The following RASEF variants were observed in gnomAD, a reference collection of about 807,000 sequenced individuals.
The protein encoded by RASEF is ras and EF-hand domain-containing protein.
A neutral mutation model predicts 90.1 loss-of-function variants in RASEF; 68 were observed. That is an observed-to-expected ratio of 0.75 (90% confidence interval 0.62 to 0.92). The LOEUF (loss-of-function observed/expected upper bound fraction) is 0.92, where lower values mean the gene tolerates loss of function less well. Ranked by LOEUF, RASEF falls within the 40% of genes least tolerant of loss-of-function variation. RASEF has a pLI of 0.00. For synonymous variants in RASEF, 331 were observed against 345.2 expected, an observed-to-expected ratio of 0.96 and a Z score of 0.46; for missense variants, 949 against 937.2, an observed-to-expected ratio of 1.01 and a Z score of -0.16.
chr9:83,076,888 A>G, the RASEF span, among the ~76,000 whole-genome samples: 3 of 152,198 alleles, frequency 2.0e-5, no homozygotes, highest in Non-Finnish European at 4.4e-5. Context: ...AGCTTATTAT[A>G]TAATTCTGAT....
At chr9:83,177,082 T>C in the RASEF span, among the ~76,000 whole-genome samples, 3 of 152,134 alleles carry the variant, frequency 2.0e-5, no homozygotes, top group South Asian at 2.1e-4. Flanking sequence ...CTATATGTCA[T>C]AGATTCCACA....
At chr9:83,017,854 A>G (rs1829371644) in intron 3 of RASEF, among the ~76,000 whole-genome samples, 1 of 152,240 alleles carries the variant, frequency 6.6e-6, no homozygotes, top group Non-Finnish European at 1.5e-5. Flanking sequence ...ATCATAACTA[A>G]TTAGGGCCTA....
chr9:83,195,781 C>T, the RASEF span, among the ~76,000 whole-genome samples: 25 of 152,118 alleles, frequency 1.6e-4, no homozygotes, highest in African/African-American at 6.0e-4. Flanking sequence ...CAGCTACTGA[C>T]TCTGAGGGAC....
chr9:83,166,193 C>T, the RASEF span, among the ~76,000 whole-genome samples: 2 of 152,172 alleles, frequency 1.3e-5, no homozygotes, highest in South Asian at 2.1e-4. Context: ...CAAAACTAGA[C>T]AAAGACATTA....
At chr9:83,164,087 C>T in the RASEF span, among the ~76,000 whole-genome samples, 14 of 149,118 alleles carry the variant, frequency 9.4e-5, no homozygotes, top group South Asian at 3.0e-3. Flanking sequence ...CTCAGACAAA[C>T]AAAAATTGAG....
chr9:83,129,631 C>T, the RASEF span, among the ~76,000 whole-genome samples: 2 of 152,132 alleles, frequency 1.3e-5, no homozygotes, highest in Non-Finnish European at 2.9e-5. Flanking sequence ...CCTCCTTAAG[C>T]TAGGCTTAAC....
At chr9:83,126,144 G>T in the RASEF span, among the ~76,000 whole-genome samples, 2 of 152,106 alleles carry the variant, frequency 1.3e-5, no homozygotes, top group Non-Finnish European at 2.9e-5. Context: ...TGGAGTAAAA[G>T]TTTCTGTACC....
intron 1 of RASEF, among the ~76,000 whole-genome samples, chr9:83,035,430 C>T (rs1418766967): frequency 6.6e-6 from 1 of 152,186 alleles, no homozygotes; most frequent in African/African-American, 2.4e-5. Context: ...GCAATGCAGA[C>T]CTCACCCTTC....
chr9:83,049,287 A>G (rs558451031), intron 1 of RASEF: 1 of 984,836 alleles, frequency 1.0e-6, no homozygotes, highest in South Asian at 4.7e-5. Context: ...AAAATCAATG[A>G]CATCAGAATT....
the RASEF span, among the ~76,000 whole-genome samples, chr9:83,086,116 GA>G: frequency 6.6e-6 from 1 of 152,170 alleles, no homozygotes; most frequent in African/African-American, 2.4e-5. Flanking sequence ...AATCAATTAA[GA>G]ATTATCACCT....
the RASEF span, among the ~76,000 whole-genome samples, chr9:83,088,235 A>G: frequency 6.6e-6 from 1 of 151,974 alleles, no homozygotes; most frequent in African/African-American, 2.4e-5. Flanking sequence ...TTTTCTCTAT[A>G]TATTTATATC....
the RASEF span, among the ~76,000 whole-genome samples, chr9:83,193,813 T>C: frequency 6.6e-6 from 1 of 152,048 alleles, no homozygotes; most frequent in Non-Finnish European, 1.5e-5. Context: ...AGGTGAAACA[T>C]CCAGAATAAA....
chr9:83,173,847 T>G, the RASEF span, among the ~76,000 whole-genome samples: 1 of 151,942 alleles, frequency 6.6e-6, no homozygotes, highest in Admixed American at 6.6e-5. Flanking sequence ...TATTTTAGTC[T>G]TCACAGCCTA....
intron 2 of RASEF, among the ~76,000 whole-genome samples, chr9:83,025,537 G>T (rs1357604707): frequency 6.6e-6 from 1 of 152,168 alleles, no homozygotes; most frequent in African/African-American, 2.4e-5. Flanking sequence ...TAATTGTTCT[G>T]TATCAAGTCA....
At chr9:83,011,550 C>CA (rs71363083) in intron 5 of RASEF, among the ~76,000 whole-genome samples, 1,588 of 28,040 alleles carry the variant, frequency 0.057, 463 homozygotes, top group African/African-American at 0.17. Context: ...GACTCCATCT[C>CA]AAAAAAAAAA....
At chr9:83,160,904 C>T in the RASEF span, among the ~76,000 whole-genome samples, 1 of 152,192 alleles carries the variant, frequency 6.6e-6, no homozygotes, top group Non-Finnish European at 1.5e-5. Context: ...GTGCAAGCCC[C>T]AAGCCTTGGC....
intron 9 of RASEF, among the ~76,000 whole-genome samples, chr9:83,002,187 A>G (rs1037933216): frequency 6.6e-6 from 1 of 152,238 alleles, no homozygotes; most frequent in Non-Finnish European, 1.5e-5. Context: ...TGGGCACGAT[A>G]CATAGGTCTT....
At chr9:83,004,822 C>T (rs1829099808) in intron 8 of RASEF, among the ~76,000 whole-genome samples, 1 of 152,182 alleles carries the variant, frequency 6.6e-6, no homozygotes, top group African/African-American at 2.4e-5. Flanking sequence ...TACGTCCAAA[C>T]CCTACTGCAT....
chr9:83,124,964 C>T, the RASEF span, among the ~76,000 whole-genome samples: 1 of 152,158 alleles, frequency 6.6e-6, no homozygotes, highest in African/African-American at 2.4e-5. Flanking sequence ...TACAAACAGT[C>T]GTGTGATAGC....
Sources: gnomAD v4.1 joint callset for allele counts (sites outside exome capture counted in the v4.1 genomes callset) on GRCh38, gnomAD v4.1.1 for gene constraint, MANE v1.5 for transcripts, NCBI Gene and HGNC (gene_info 2026-07-23, HGNC 2026-07-21) for gene names.